Variants in ADK observed in about 807,000 individuals in gnomAD.
The protein encoded by ADK is N6,N6-dimethyladenosine kinase.
Under a neutral mutation model 44.7 loss-of-function variants are expected in ADK, and 24 were observed. That is an observed-to-expected ratio of 0.54 (90% CI 0.39 to 0.76). ADK has a LOEUF of 0.76. ADK is among the 30% of genes least tolerant of loss of function. ADK has a pLI of 0.00. For missense variants in ADK, 321 were observed against 425.1 expected (o/e 0.76, Z 2.15); for synonymous variants, 128 against 142.6 (o/e 0.90, Z 0.73).
intron 2 of ADK, among the ~76,000 whole-genome samples, chr10:74,212,237 A>G (rs1843841483): frequency 6.6e-6 from 1 of 152,208 alleles, no homozygotes; most frequent in African/African-American, 2.4e-5. Flanking sequence ...TTCAAACTTA[A>G]CTTTGAATAT....
At chr10:74,193,734 C>T (rs1470845598) in intron 1 of ADK, among the ~76,000 whole-genome samples, 2 of 151,608 alleles carry the variant, frequency 1.3e-5, no homozygotes, top group African/African-American at 4.8e-5. Flanking sequence ...GCACCACTGC[C>T]CTCCAGCCTG....
At chr10:74,166,694 A>G (rs1451530355) in intron 1 of ADK, among the ~76,000 whole-genome samples, 2 of 103,944 alleles carry the variant, frequency 1.9e-5, no homozygotes, top group African/African-American at 3.0e-5. Flanking sequence ...CTCAAAAAAA[A>G]AAAAAAAGAA....
chr10:74,656,852 T>C (rs974131021), intron 9 of ADK, among the ~76,000 whole-genome samples: 7 of 152,190 alleles, frequency 4.6e-5, no homozygotes, highest in African/African-American at 1.7e-4. Flanking sequence ...TTCTGTGTTT[T>C]GTGGTGTTTG....
chr10:74,371,935 T>C (rs1842671964), intron 4 of ADK: 6 of 1,316,004 alleles, frequency 4.6e-6, no homozygotes, highest in East Asian at 2.3e-5. Context: ...CACCAGCCTC[T>C]CACAGAGGCA....
chr10:74,342,812 TG>T (rs1323563777), intron 4 of ADK, among the ~76,000 whole-genome samples: 2 of 152,014 alleles, frequency 1.3e-5, no homozygotes, highest in African/African-American at 4.8e-5. Flanking sequence ...TGTGTGTGTG[TG>T]TGTTTTAATA....
At chr10:74,267,736 A>C (rs1591958166) in intron 3 of ADK, among the ~76,000 whole-genome samples, 1 of 126,686 alleles carries the variant, frequency 7.9e-6, no homozygotes, top group African/African-American at 2.7e-5. Flanking sequence ...GCCATCAGCT[A>C]TTGGCTTATA....
chr10:74,573,128 G>T (rs1202465928), intron 7 of ADK, among the ~76,000 whole-genome samples: 1 of 151,926 alleles, frequency 6.6e-6, no homozygotes. Context: ...CCCCATCTTT[G>T]TGGTTTTATC....
rs78443881 is a variant in ADK at position 74,310,270 on chromosome 10, C to T, written c.195-4397C>T. 3.4e-3 allele frequency among the ~76,000 whole-genome samples: 510 copies of T among 152,194 alleles called. 3 individuals carry two copies. The highest frequency in any genetic ancestry group is 0.012 in the African/African-American group (481 of 41,558). ...GTAAGGAAAATATATAGAAGTTTCC[C>T]GTAAAATGTAATAATATCATAAACT... On this transcript the variant is annotated intron_variant, in intron 3 of 10. Coordinates refer to ENST00000539909, the MANE Select transcript of ADK (RefSeq NM_006721.4).
intron 9 of ADK, chr10:74,655,670 C>T: frequency 2.2e-6 from 1 of 463,514 alleles, no homozygotes; most frequent in African/African-American, 2.0e-5. Context: ...GACCCCCGGG[C>T]CTCCCGAAGG....
At chr10:74,620,366 G>A (rs1234632605) in intron 9 of ADK, among the ~76,000 whole-genome samples, 1 of 152,094 alleles carries the variant, frequency 6.6e-6, no homozygotes, top group Admixed American at 6.5e-5. Flanking sequence ...AGAATACATA[G>A]TGTTTAACTT....
At chr10:74,272,602 A>T (rs10762591) in intron 3 of ADK, among the ~76,000 whole-genome samples, 98,739 of 152,078 alleles carry the variant, frequency 0.65, 33,314 homozygotes, top group Middle Eastern at 0.8. Flanking sequence ...CTGATTATAA[A>T]TTAAAGGATA....
At chr10:74,242,537 T>A (rs1319637995) in intron 3 of ADK, among the ~76,000 whole-genome samples, 3 of 152,214 alleles carry the variant, frequency 2.0e-5, no homozygotes, top group African/African-American at 7.2e-5. Context: ...TAATCAGCTT[T>A]AAAATGCTGA....
intron 7 of ADK, among the ~76,000 whole-genome samples, chr10:74,530,818 G>A (rs917387177): frequency 5.3e-5 from 8 of 152,076 alleles, no homozygotes; most frequent in African/African-American, 1.4e-4. Context: ...CCAGCTACTC[G>A]GGTGGCTGAG....
At chr10:74,559,200 G>C (rs1850370125) in intron 7 of ADK, among the ~76,000 whole-genome samples, 1 of 152,218 alleles carries the variant, frequency 6.6e-6, no homozygotes, top group Non-Finnish European at 1.5e-5. Context: ...TTCATCCACT[G>C]ACCTCCATTC....
intron 9 of ADK, among the ~76,000 whole-genome samples, chr10:74,620,605 C>T (rs1260550361): frequency 6.6e-6 from 1 of 152,140 alleles, no homozygotes; most frequent in Admixed American, 6.5e-5. Flanking sequence ...CTTTAACGTA[C>T]TAATTTCCTT....
intron 3 of ADK, among the ~76,000 whole-genome samples, chr10:74,248,678 G>C (rs141871265): frequency 6.6e-6 from 1 of 152,248 alleles, no homozygotes; most frequent in African/African-American, 2.4e-5. Flanking sequence ...TTAAGTGTTT[G>C]AGTATACTTG....
intron 10 of ADK, among the ~76,000 whole-genome samples, chr10:74,700,226 A>T (rs1365185672): frequency 6.6e-6 from 1 of 152,164 alleles, no homozygotes; most frequent in Non-Finnish European, 1.5e-5. Flanking sequence ...CTACCAATTG[A>T]TGTATAATGA....
At chr10:74,196,711 C>T (rs972240731) in intron 1 of ADK, among the ~76,000 whole-genome samples, 11 of 151,980 alleles carry the variant, frequency 7.2e-5, no homozygotes, top group African/African-American at 2.2e-4. Context: ...ACAAAACTAC[C>T]GACATATGTA....
chr10:74,555,290 G>A (rs181162641), intron 7 of ADK, among the ~76,000 whole-genome samples: 1 of 152,220 alleles, frequency 6.6e-6, no homozygotes, highest in Non-Finnish European at 1.5e-5. Flanking sequence ...TATAACTTAT[G>A]TTAAGGGCTG....
Sources: allele counts gnomAD v4.1 joint callset (sites outside exome capture counted in the v4.1 genomes callset), GRCh38; gene constraint gnomAD v4.1.1; transcripts MANE v1.5; gene names NCBI Gene and HGNC (gene_info 2026-07-23, HGNC 2026-07-21).